The following KCNMA1 variants were observed in gnomAD, a reference collection of about 807,000 sequenced individuals.
KCNMA1 encodes Calcium-activated potassium channel subunit alpha-1.
In KCNMA1, 29 loss-of-function variants were observed where a neutral mutation model predicts 140.0. The ratio of observed to expected loss-of-function variants is 0.21; its 90% CI spans 0.15 to 0.28. KCNMA1 has a LOEUF of 0.28. Ranked by LOEUF, KCNMA1 falls within the 10% of genes least tolerant of loss-of-function variation. The probability of loss-of-function intolerance (pLI) is 1.00; values close to 1 mark genes in which losing one functional copy is unlikely to be tolerated. For missense variants in KCNMA1, 880 were observed against 1,602.2 expected, an observed-to-expected ratio of 0.55 and a Z score of 7.70; for synonymous variants, 612 against 611.9, an observed-to-expected ratio of 1.00 and a Z score of 0.00.
chr10:77,573,135 C>G (rs1024885440), intron 1 of KCNMA1, among the ~76,000 whole-genome samples: 1 of 152,150 alleles, frequency 6.6e-6, no homozygotes, highest in Non-Finnish European at 1.5e-5. Context: ...CTCAAAATAT[C>G]TTATATTTAA....
intron 1 of KCNMA1, among the ~76,000 whole-genome samples, chr10:77,416,404 G>A (rs780716069): frequency 1.3e-5 from 2 of 152,140 alleles, no homozygotes; most frequent in Non-Finnish European, 2.9e-5. Flanking sequence ...TACCACTACT[G>A]CAGGAAATGC....
intron 1 of KCNMA1, among the ~76,000 whole-genome samples, chr10:77,573,916 CAACTTCCGCCT>C (rs2072989189): frequency 6.6e-6 from 1 of 151,290 alleles, no homozygotes; most frequent in Non-Finnish European, 1.5e-5. Context: ...CAGCTCACTG[CAACTTCCGCCT>C]CCCAGGCTCA....
chr10:77,082,962 G>T (rs897396040), intron 12 of KCNMA1, among the ~76,000 whole-genome samples: 1 of 152,122 alleles, frequency 6.6e-6, no homozygotes, highest in African/African-American at 2.4e-5. Context: ...GGGAAGCTCC[G>T]GTCACTTGGG....
chr10:77,295,158 G>C (rs1390324025), intron 2 of KCNMA1, among the ~76,000 whole-genome samples: 2 of 151,818 alleles, frequency 1.3e-5, no homozygotes, highest in Non-Finnish European at 2.9e-5. Context: ...GACCAGCCTG[G>C]CCAACATGGT....
intron 15 of KCNMA1, among the ~76,000 whole-genome samples, chr10:77,036,539 G>A (rs191557019): frequency 2.8e-3 from 427 of 152,298 alleles, no homozygotes; most frequent in Non-Finnish European, 4.4e-3. Flanking sequence ...TTAGCGCAGC[G>A]CATAATTACA....
chr10:77,052,658 T>C lies in KCNMA1; in HGVS notation c.1750-13021A>G, dbSNP rs189608016. Among the ~76,000 whole-genome samples, 5 of 152,246 alleles carry C rather than the reference T, an allele frequency of 3.3e-5. No individual in the cohort carries two copies. The East Asian group carries it at 9.7e-4, about 29-fold the overall frequency. On this transcript the variant is annotated intron_variant, in intron 14 of 27. Coordinates refer to ENST00000286628, the MANE Select transcript of KCNMA1 (RefSeq NM_001161352.2). The stretch of plus-strand genomic sequence containing the variant: ...AGGGTACTTATTCAAAATATTCTTT[T>C]TAAAAATACTTGTCCAGCTTGTATT...
chr10:77,541,212 A>G (rs1327836338), intron 1 of KCNMA1, among the ~76,000 whole-genome samples: 2 of 152,206 alleles, frequency 1.3e-5, no homozygotes, highest in African/African-American at 4.8e-5. Context: ...AATTAAACGT[A>G]CCTATTAAAA....
At chr10:77,209,831 C>T (rs971133665) in intron 3 of KCNMA1, among the ~76,000 whole-genome samples, 1 of 151,328 alleles carries the variant, frequency 6.6e-6, no homozygotes, top group African/African-American at 2.4e-5. Flanking sequence ...TGGAAACACA[C>T]AACCTCCCAA....
At chr10:77,433,031 C>T (rs897077165) in intron 1 of KCNMA1, among the ~76,000 whole-genome samples, 2 of 152,152 alleles carry the variant, frequency 1.3e-5, no homozygotes, top group Non-Finnish European at 2.9e-5. Context: ...TCCGCAACTT[C>T]ATATTCAGAG....
Position 77,108,161 on chromosome 10 carries a change from C to G in KCNMA1, c.1223+320G>C, listed in dbSNP as rs899508857. On this transcript the variant is annotated intron_variant, in intron 9 of 27. Coordinates refer to ENST00000286628, the MANE Select transcript of KCNMA1 (RefSeq NM_001161352.2). This position sits in a 1 kb window ranked among gnomAD's most constrained non-coding sequence, Gnocchi z 4.6. ...GTCACCTCTGACATCACACCCCATG[C>G]AGAAACTGGGCCTTCCCTCACAGAA... 6.7e-6 allele frequency: 5 copies of G among 742,726 alleles called. No homozygotes were observed. Among genetic ancestry groups the G allele is most frequent in the Non-Finnish European group, 1.1e-5 (5 of 468,936 alleles). 46.0% of individuals were successfully genotyped at this position (742,726 alleles called of 1,614,324 possible). A position where few individuals can be genotyped will look rare whatever the true frequency, so the allele number is the denominator to read the frequency against.
intron 23 of KCNMA1, among the ~76,000 whole-genome samples, chr10:76,927,998 T>C (rs1375706696): frequency 1.3e-5 from 2 of 152,128 alleles, no homozygotes; most frequent in African/African-American, 4.8e-5. Flanking sequence ...AGGAGAAATA[T>C]TCAAAATGCA....
At chr10:77,171,122 GC>G (rs1324778836) in intron 5 of KCNMA1, among the ~76,000 whole-genome samples, 4 of 152,108 alleles carry the variant, frequency 2.6e-5, no homozygotes, top group African/African-American at 7.2e-5. Flanking sequence ...TCAAAGTGTG[GC>G]CCCCAGATCA....
chr10:77,255,173 T>C (rs2060462536), intron 2 of KCNMA1, among the ~76,000 whole-genome samples: 1 of 152,222 alleles, frequency 6.6e-6, no homozygotes, highest in South Asian at 2.1e-4. Flanking sequence ...GTGTGCCAGA[T>C]TCCTAAAAAC....
At chr10:77,402,656 C>T (rs2096311208) in intron 2 of KCNMA1, among the ~76,000 whole-genome samples, 1 of 152,178 alleles carries the variant, frequency 6.6e-6, no homozygotes, top group Admixed American at 6.5e-5. Flanking sequence ...GAGTTCTCCC[C>T]AAGAAGGATT....
At chr10:76,903,870 A>G (rs2046641432) in intron 25 of KCNMA1, 1 of 152,172 alleles carries the variant, frequency 6.6e-6, no homozygotes, top group Non-Finnish European at 1.5e-5. Flanking sequence ...CAAACAGGCC[A>G]GCTCTCTGAT....
intron 22 of KCNMA1, among the ~76,000 whole-genome samples, chr10:76,948,309 G>A (rs2064991416): frequency 6.6e-6 from 1 of 152,102 alleles, no homozygotes; most frequent in African/African-American, 2.4e-5. Flanking sequence ...CCTGGCCCCT[G>A]TTTCTCAGTT....
chr10:77,150,043 A>G (rs183606784), intron 5 of KCNMA1: 1 of 152,318 alleles, frequency 6.6e-6, no homozygotes, highest in African/African-American at 2.4e-5. Context: ...TCGGGCTATG[A>G]AAATTTCTGC....
intron 18 of KCNMA1, 55 bp from the exon 19 acceptor site, chr10:77,001,635 TCA>T: frequency 1.4e-6 from 2 of 1,435,530 alleles, no homozygotes; most frequent in African/African-American, 1.4e-5. Context: ...AATGGCAAGG[TCA>T]CACACAGCAA....
At chr10:76,978,536 TCTGAG>T (rs777906734) in intron 19 of KCNMA1, 3 of 152,246 alleles carry the variant, frequency 2.0e-5, no homozygotes, top group Non-Finnish European at 4.4e-5. Flanking sequence ...TGCTGATCTT[TCTGAG>T]CTGTGTGTCT....
Sources: allele counts gnomAD v4.1 joint callset (sites outside exome capture counted in the v4.1 genomes callset), GRCh38; gene constraint gnomAD v4.1.1; non-coding constraint Gnocchi (gnomAD v3.1); transcripts MANE v1.5; gene names NCBI Gene and HGNC (gene_info 2026-07-23, HGNC 2026-07-21).